Variants in EPHA7 observed in about 807,000 individuals in gnomAD.
EPHA7 encodes ephrin type-A receptor 7.
Under a neutral mutation model 112.6 loss-of-function variants are expected in EPHA7, and 25 were observed. The ratio of observed to expected loss-of-function variants is 0.22; its 90% CI spans 0.16 to 0.31. EPHA7 has a LOEUF of 0.31. Among genes scored for constraint, EPHA7 ranks in the 10% least tolerant of loss-of-function variants. The probability of loss-of-function intolerance (pLI) is 1.00; values close to 1 mark genes in which losing one functional copy is unlikely to be tolerated. For missense variants in EPHA7, 962 were observed against 1,212.6 expected, an observed-to-expected ratio of 0.79 and a Z score of 3.07; for synonymous variants, 437 against 406.5, an observed-to-expected ratio of 1.07 and a Z score of -0.90.
intron 3 of EPHA7, among the ~76,000 whole-genome samples, chr6:93,364,078 A>G (rs1776384067): frequency 6.6e-6 from 1 of 152,216 alleles, no homozygotes; most frequent in Non-Finnish European, 1.5e-5. Flanking sequence ...TGATAGATAT[A>G]AGGCTTATAT....
At chr6:93,360,837 T>C (rs375168820) in intron 3 of EPHA7, among the ~76,000 whole-genome samples, 1 of 152,094 alleles carries the variant, frequency 6.6e-6, no homozygotes, top group East Asian at 1.9e-4. Context: ...TAAAACTGGA[T>C]TTAAAACACA....
At chr6:93,294,957 T>A (rs961312694) in intron 5 of EPHA7, among the ~76,000 whole-genome samples, 1 of 151,998 alleles carries the variant, frequency 6.6e-6, no homozygotes, top group Non-Finnish European at 1.5e-5. Context: ...AAGTTTTGAA[T>A]TGACTTTTTC....
At chr6:93,342,190 A>T (rs1030188383) in intron 5 of EPHA7, among the ~76,000 whole-genome samples, 44 of 151,854 alleles carry the variant, frequency 2.9e-4, no homozygotes, top group Non-Finnish European at 5.2e-4. Flanking sequence ...GGCATTTTTT[A>T]AAAAGCCTAC....
chr6:93,337,065 A>G (rs1050510518), intron 5 of EPHA7, among the ~76,000 whole-genome samples: 8 of 152,174 alleles, frequency 5.3e-5, no homozygotes, highest in African/African-American at 1.4e-4. Flanking sequence ...CTGAATGCAC[A>G]GTCAGTACAG....
chr6:93,299,281 G>A (rs1055659395), intron 5 of EPHA7, among the ~76,000 whole-genome samples: 8 of 151,434 alleles, frequency 5.3e-5, no homozygotes, highest in Non-Finnish European at 1.0e-4. Flanking sequence ...AGCCGAGATC[G>A]CGCCACTGCA....
chr6:93,256,952 G>T (rs1283339585), intron 12 of EPHA7, among the ~76,000 whole-genome samples: 1 of 151,950 alleles, frequency 6.6e-6, no homozygotes, highest in Non-Finnish European at 1.5e-5. Flanking sequence ...AAATATCTAT[G>T]TTTATATATT....
Position 93,254,948 on chromosome 6 carries a change from T to G in EPHA7, c.2383-152A>C, listed in dbSNP as rs1770372281. 1.6e-5 allele frequency: 9 copies of G among 567,816 alleles called. 1 individual carries two copies. The South Asian group carries it at 2.7e-4, about 17-fold the overall frequency. 35.2% of individuals were successfully genotyped at this position (567,816 alleles called of 1,614,324 possible). On this transcript the variant is annotated intron_variant, in intron 13 of 16. Coordinates refer to ENST00000369303, the MANE Select transcript of EPHA7 (RefSeq NM_004440.4). ...ATCTCTATGCGTATTTAAAGTTATTTATCTGATTTTTAGAATACCATTACA... is the reference window on the plus strand; with the variant it reads ...ATCTCTATGCGTATTTAAAGTTATTGATCTGATTTTTAGAATACCATTACA...
intron 3 of EPHA7, among the ~76,000 whole-genome samples, chr6:93,405,813 G>GTGTA (rs1357089640): frequency 3.9e-3 from 290 of 73,954 alleles, no homozygotes; most frequent in South Asian, 6.7e-3. Context: ...GTGTGTGTGT[G>GTGTA]TATATATATA....
intron 5 of EPHA7, among the ~76,000 whole-genome samples, chr6:93,350,971 C>T (rs2127937047): frequency 6.6e-6 from 1 of 152,180 alleles, no homozygotes; most frequent in East Asian, 1.9e-4. Flanking sequence ...CATAATCACA[C>T]TCTGAATGCT....
At chr6:93,409,186 C>G (rs1033586494) in intron 3 of EPHA7, among the ~76,000 whole-genome samples, 1 of 151,818 alleles carries the variant, frequency 6.6e-6, no homozygotes, top group Non-Finnish European at 1.5e-5. Context: ...GGGAAGTAAT[C>G]CAATTTATAT....
chr6:93,336,298 C>G (rs1408719747), intron 5 of EPHA7, among the ~76,000 whole-genome samples: 1 of 152,076 alleles, frequency 6.6e-6, no homozygotes, highest in Non-Finnish European at 1.5e-5. Flanking sequence ...GTTTCAGATT[C>G]TCTTCATATC....
At chr6:93,298,592 T>C (rs565717248) in intron 5 of EPHA7, among the ~76,000 whole-genome samples, 1 of 152,288 alleles carries the variant, frequency 6.6e-6, no homozygotes, top group Non-Finnish European at 1.5e-5. Context: ...AAAGAGACAC[T>C]GATACACACT....
intron 3 of EPHA7, among the ~76,000 whole-genome samples, chr6:93,392,449 GA>G (rs1777958369): frequency 6.6e-6 from 1 of 151,668 alleles, no homozygotes; most frequent in Non-Finnish European, 1.5e-5. Context: ...CGACACAAAA[GA>G]AAAAAACAGC....
intron 5 of EPHA7, among the ~76,000 whole-genome samples, chr6:93,336,575 T>TG (rs1554183207): frequency 9.2e-5 from 14 of 151,966 alleles, no homozygotes; most frequent in Non-Finnish European, 1.6e-4. Flanking sequence ...GCTATTTTTT[T>TG]TATTTTTAGT....
intron 5 of EPHA7, among the ~76,000 whole-genome samples, chr6:93,299,404 G>T (rs1772853888): frequency 6.6e-6 from 1 of 151,434 alleles, no homozygotes; most frequent in African/African-American, 2.4e-5. Context: ...CTGATCATTA[G>T]AGAAATGCAA....
intron 2 of EPHA7, among the ~76,000 whole-genome samples, chr6:93,411,972 C>CTA (rs1778998003): frequency 6.6e-6 from 1 of 151,850 alleles, no homozygotes; most frequent in Non-Finnish European, 1.5e-5. Context: ...ACAAACAAAT[C>CTA]TATATTAAAT....
At chr6:93,376,660 G>A (rs1489369284) in intron 3 of EPHA7, among the ~76,000 whole-genome samples, 1 of 152,064 alleles carries the variant, frequency 6.6e-6, no homozygotes, top group Non-Finnish European at 1.5e-5. Flanking sequence ...CAAAAATAAA[G>A]TAGATTGTAT....
Position 93,242,873 on chromosome 6 carries a change from T to C in EPHA7, c.*553A>G, listed in dbSNP as rs1014860496. On this transcript the variant is annotated 3_prime_UTR_variant, in exon 17 of 17. Coordinates refer to ENST00000369303, the MANE Select transcript of EPHA7 (RefSeq NM_004440.4). ...TCTAACAGAGATGTATCTTCAATCATGCTATTTCTTTTGAAATTTGAGATT... is the reference window on the plus strand; with the variant it reads ...TCTAACAGAGATGTATCTTCAATCACGCTATTTCTTTTGAAATTTGAGATT... 3 of 214,320 alleles carry C rather than the reference T, an allele frequency of 1.4e-5. 1 individual carries two copies. Among genetic ancestry groups the C allele is most frequent in the South Asian group, 3.7e-4 (2 of 5,394 alleles). The allele number at this position is 214,320 out of a possible 1,614,324, so 13.3% of individuals were successfully genotyped here.
intron 3 of EPHA7, among the ~76,000 whole-genome samples, chr6:93,390,403 A>G (rs1043718207): frequency 2.6e-5 from 4 of 151,824 alleles, no homozygotes; most frequent in African/African-American, 7.2e-5. Context: ...CTACATAGAA[A>G]CTACACATTA....
Sources: allele counts gnomAD v4.1 joint callset (sites outside exome capture counted in the v4.1 genomes callset), GRCh38; gene constraint gnomAD v4.1.1; transcripts MANE v1.5; gene names NCBI Gene and HGNC (gene_info 2026-07-23, HGNC 2026-07-21).